The following ZNF714 variants were observed in gnomAD, a reference collection of about 807,000 sequenced individuals.
ZNF714 encodes zinc finger protein 714.
In ZNF714, 32 loss-of-function variants were observed where a neutral mutation model predicts 46.2. The ratio of observed to expected loss-of-function variants is 0.69; its 90% CI spans 0.52 to 0.93. ZNF714 has a LOEUF of 0.93. Ranked by LOEUF, ZNF714 falls within the 40% of genes least tolerant of loss-of-function variation. The probability of loss-of-function intolerance (pLI) is 0.00; values close to 1 mark genes in which losing one functional copy is unlikely to be tolerated. For missense variants in ZNF714, 635 were observed against 646.3 expected (o/e 0.98, Z 0.19); for synonymous variants, 199 against 213.1 (o/e 0.93, Z 0.58).
chr19:21,094,701 A>G (rs1204270793), intron 2 of ZNF714, among the ~76,000 whole-genome samples: 1 of 152,050 alleles, frequency 6.6e-6, no homozygotes, highest in Non-Finnish European at 1.5e-5. Context: ...TAATTTTTGT[A>G]TTTTTAGTAA....
At chr19:21,098,453 T>C in intron 3 of ZNF714, 142 bp downstream of exon 3, 1 of 1,121,260 alleles carries the variant, frequency 8.9e-7, no homozygotes, top group Non-Finnish European at 1.3e-6. Flanking sequence ...ATGATTTGTC[T>C]CTGTAGAAAA....
At chr19:21,084,866 C>T (rs7343080) in intron 2 of ZNF714, among the ~76,000 whole-genome samples, 112,358 of 151,428 alleles carry the variant, frequency 0.74, 43,291 homozygotes, top group Middle Eastern at 0.88. Context: ...ATGATCTGCC[C>T]TCCTTGGCCT....
intron 2 of ZNF714, among the ~76,000 whole-genome samples, chr19:21,088,084 C>T (rs1968823771): frequency 6.6e-6 from 1 of 152,154 alleles, no homozygotes; most frequent in South Asian, 2.1e-4. Flanking sequence ...CTTGATGTGT[C>T]CCAGGCCTTA....
intron 4 of ZNF714, among the ~76,000 whole-genome samples, chr19:21,110,903 C>T (rs565172447): frequency 2.6e-5 from 4 of 152,024 alleles, no homozygotes; most frequent in Admixed American, 2.6e-4. Context: ...TGTAGATATG[C>T]AGTCTTAGAT....
intron 4 of ZNF714, among the ~76,000 whole-genome samples, chr19:21,101,888 C>T (rs927219261): frequency 1.3e-5 from 2 of 152,134 alleles, no homozygotes; most frequent in African/African-American, 4.8e-5. Flanking sequence ...AGTGCCTGTC[C>T]TCTGAAAAAA....
rs1225874405 is a variant in ZNF714 at position 21,117,802 on chromosome 19, C to T, written c.1138C>T (p.His380Tyr). ...KCEECGKAFN[H>Y]SSKLTIHKII... ...TGAAGAATGTGGCAAAGCCTTTAAC[C>T]ACTCCTCAAAACTTACTATACATAA... Residue 380 changes from histidine to tyrosine, a missense_variant, in exon 5 of 5, where the codon CAC (histidine) becomes TAC (tyrosine). By Grantham distance (83) the His-to-Tyr change is moderately conservative (BLOSUM62 2). Coordinates refer to ENST00000456283, the MANE Select transcript of ZNF714 (RefSeq NM_182515.4). 6.2e-7 allele frequency: 1 copy of T among 1,612,308 alleles called. No individual in the cohort carries two copies. Among genetic ancestry groups the T allele is most frequent in the Non-Finnish European group, 8.5e-7 (1 of 1,179,136 alleles).
rs1326568369 is a variant in ZNF714, at chr19:21,122,318, T to G, written c.*3986T>G. ...GAAGAAATAAGATTGATTCTTCATA[T>G]GGAGTGGACATTTTTTCCAGACTAT... On this transcript the variant is annotated 3_prime_UTR_variant, in exon 5 of 5. Coordinates refer to ENST00000456283, the MANE Select transcript of ZNF714 (RefSeq NM_182515.4). 2 of 152,232 alleles carry G rather than the reference T, an allele frequency of 1.3e-5. No homozygotes were observed. The highest frequency in any genetic ancestry group is 4.8e-5 in the African/African-American group (2 of 41,474). 9.4% of individuals were successfully genotyped at this position (152,232 alleles called of 1,614,324 possible). A position where few individuals can be genotyped will look rare whatever the true frequency, so the allele number is the denominator to read the frequency against.
intron 1 of ZNF714, 94 bp downstream of exon 1, chr19:21,082,442 T>C: frequency 8.0e-7 from 1 of 1,255,576 alleles, no homozygotes; most frequent in Non-Finnish European, 1.1e-6. Context: ...CTCCCCGCAG[T>C]CAACTCTACA....
At chr19:21,105,613 G>GT (rs1156797877) in intron 4 of ZNF714, among the ~76,000 whole-genome samples, 2 of 151,828 alleles carry the variant, frequency 1.3e-5, no homozygotes, top group Admixed American at 6.6e-5. Context: ...CTAGTTTTTT[G>GT]TTTTTTTGTT....
At chr19:21,112,551 T>C (rs8112500) in intron 4 of ZNF714, among the ~76,000 whole-genome samples, 121,454 of 148,792 alleles carry the variant, frequency 0.82, 51,554 homozygotes, top group Middle Eastern at 0.93. Flanking sequence ...TTTTTTTGAA[T>C]GGTTTTTTTG....
rs778696434 is a variant in ZNF714 at position 21,116,962 on chromosome 19, A to G, written c.298A>G (p.Lys100Glu). The part of the protein sequence containing the change: ...ANVVECKVYK[K>E]GYNELNQCLT... ...TGTGGTTGAGTGTAAGGTGTACAAAAAAGGTTATAATGAACTAAACCAGTG... is the reference window on the plus strand; with the variant it reads ...TGTGGTTGAGTGTAAGGTGTACAAAGAAGGTTATAATGAACTAAACCAGTG... The change falls in exon 5 of 5, where the codon AAA becomes GAA. Residue 100 changes from lysine (K) to glutamate (E), a missense_variant. Transcript: ENST00000456283. 13 of 1,609,604 alleles carry G rather than the reference A, an allele frequency of 8.1e-6. No individual in the cohort carries two copies. The highest frequency in any genetic ancestry group is 1.0e-5 in the Non-Finnish European group (12 of 1,179,402).
Position 21,117,697 on chromosome 19 carries a change from G to C in ZNF714, c.1033G>C (p.Glu345Gln), listed in dbSNP as rs191924584. 4.2e-4 allele frequency: 677 copies of C among 1,613,390 alleles called. 1 individual carries two copies. The African/African-American group carries it at 6.7e-3, about 16-fold the overall frequency. Residue 345 changes from glutamate (E) to glutamine (Q), a missense_variant, in exon 5 of 5, where the codon GAA becomes CAA. Physicochemically the swap from Glu to Gln is conservative, Grantham distance 29. Coordinates refer to ENST00000456283, the MANE Select transcript of ZNF714 (RefSeq NM_182515.4). ...HTGEKPYKCE[E>Q]CGKAFNVSSH... ...TGGAGAGAAACCCTACAAATGTGAA[G>C]AATGTGGCAAAGCCTTTAATGTGTC...
chr19:21,112,816 A>ATTTTTTTTTTTC (rs1969482762), intron 4 of ZNF714, among the ~76,000 whole-genome samples: 1 of 43,210 alleles, frequency 2.3e-5, no homozygotes, highest in African/African-American at 7.7e-5. Flanking sequence ...TTTATTTCTG[A>ATTTTTTTTTTTC]TTTTTTTTTT....
chr19:21,086,737 T>C (rs1449203216), intron 2 of ZNF714, among the ~76,000 whole-genome samples: 1 of 152,212 alleles, frequency 6.6e-6, no homozygotes, highest in African/African-American at 2.4e-5. Context: ...CTCAGCCCTA[T>C]TTTATCCAGC....
intron 2 of ZNF714, among the ~76,000 whole-genome samples, chr19:21,086,898 TGCCTAACTAGTCA>T (rs1968793376): frequency 1.3e-5 from 2 of 152,200 alleles, no homozygotes; most frequent in Admixed American, 6.5e-5. Context: ...ATGATATTTT[TGCCTAACTAGTCA>T]GAGTCTTCTT....
At chr19:21,104,089 T>G (rs1319235242) in intron 4 of ZNF714, among the ~76,000 whole-genome samples, 1 of 152,146 alleles carries the variant, frequency 6.6e-6, no homozygotes, top group Non-Finnish European at 1.5e-5. Flanking sequence ...AGATATCTCA[T>G]ATACATAGTG....
chr19:21,112,205 A>T (rs1373378196), intron 4 of ZNF714, among the ~76,000 whole-genome samples: 2 of 152,186 alleles, frequency 1.3e-5, no homozygotes, highest in Non-Finnish European at 2.9e-5. Context: ...CTATAAATTC[A>T]TCTGGCCCTG....
At chr19:21,106,776 TCTGC>T (rs1568279147) in intron 4 of ZNF714, among the ~76,000 whole-genome samples, 1 of 152,128 alleles carries the variant, frequency 6.6e-6, no homozygotes, top group African/African-American at 2.4e-5. Context: ...CATCTGTTTA[TCTGC>T]CTTTGTGTCA....
rs944014652 is a variant in ZNF714, at chr19:21,124,372, C to G, written c.*6040C>G. 6.6e-6 allele frequency among the ~76,000 whole-genome samples: 1 copy of G among 152,022 alleles called. No individual in the cohort carries two copies. Among genetic ancestry groups the G allele is most frequent in the African/African-American group, 2.4e-5 (1 of 41,414 alleles). ...GAACATGCTGTTAAATATCAGAGTT[C>G]CTATGATTATGACTAAAAAATTAAA... On this transcript the variant is annotated 3_prime_UTR_variant, in exon 5 of 5. Transcript: ENST00000456283.
Sources: gnomAD v4.1 joint callset for allele counts (sites outside exome capture counted in the v4.1 genomes callset) on GRCh38, gnomAD v4.1.1 for gene constraint, MANE v1.5 for transcripts, NCBI Gene and HGNC (gene_info 2026-07-23, HGNC 2026-07-21) for gene names.